DPP9: variants seen among roughly 807,000 people sequenced by gnomAD.
DPP9 encodes the protein dipeptidyl peptidase 9.
In DPP9, 50 loss-of-function variants were observed where a neutral mutation model predicts 110.7. The observed-to-expected ratio is 0.45, with a 90% CI of 0.36 to 0.57. The LOEUF is 0.57. Among genes scored for constraint, DPP9 ranks in the 20% least tolerant of loss-of-function variants. The probability of loss-of-function intolerance (pLI) is 0.00; values close to 1 mark genes in which losing one functional copy is unlikely to be tolerated. For synonymous variants in DPP9, 561 were observed against 514.4 expected, an observed-to-expected ratio of 1.09 and a Z score of -1.23; for missense variants, 1,022 against 1,217.9, an observed-to-expected ratio of 0.84 and a Z score of 2.39.
At chr19:4,707,228 C>T (rs529102350) in intron 4 of DPP9, among the ~76,000 whole-genome samples, 1 of 152,300 alleles carries the variant, frequency 6.6e-6, no homozygotes, top group East Asian at 1.9e-4. Context: ...ACGCATGTCT[C>T]TGGGCTTGGG....
rs370877782 is a variant in DPP9, at chr19:4,676,630, A to T, written c.2613T>A (p.Ile871=). The T allele has an allele frequency of 1.2e-5, 19 of 1,608,044 alleles. No homozygotes were observed. Among genetic ancestry groups the T allele is most frequent in the Non-Finnish European group, 1.6e-5 (19 of 1,177,264 alleles). ...LQIYPNERHS[I]RCPESGEHYE... is the part of the protein sequence containing the mutation. The stretch of plus-strand genomic sequence containing the variant: ...AGTGCTCGCCCGACTCGGGGCAGCG[A>T]ATACTGTGTCTCTCGTTGGGGTAGA... The change falls in exon 22 of 22, where the codon ATT becomes ATA. Residue 871 remains isoleucine (I), a synonymous_variant. Transcript: ENST00000262960. The surrounding 1 kb of genome is among the most constrained non-coding windows in gnomAD (Gnocchi z 4.0).
At position 4,682,591 on chromosome 19, in the gene DPP9, C is replaced by T. The variant is rs2090056888; in HGVS notation, c.2474+105G>A. On this transcript the variant is annotated intron_variant, in intron 20 of 21. Coordinates refer to ENST00000262960, the MANE Select transcript of DPP9 (RefSeq NM_139159.5). This position sits in a 1 kb window ranked among gnomAD's most constrained non-coding sequence, Gnocchi z 7.1. ...GAGGCTCCACATGGCCTGAGGCTCCCTGGGCAGGGCCAGCTGGGGCAGGAG... is the reference window on the plus strand; with the variant it reads ...GAGGCTCCACATGGCCTGAGGCTCCTTGGGCAGGGCCAGCTGGGGCAGGAG... The T allele has an allele frequency of 6.7e-7, 1 of 1,500,292 alleles. No homozygotes were observed. The allele number at this position is 1,500,292 out of a possible 1,614,324, so 92.9% of individuals were successfully genotyped here.
At position 4,718,792 on chromosome 19, in the gene DPP9, C is replaced by T. The variant is rs960005773; in HGVS notation, c.56+1059G>A. Among the ~76,000 whole-genome samples the T allele has an allele frequency of 4.6e-5, 7 of 152,228 alleles. No homozygotes were observed. Among genetic ancestry groups the T allele is most frequent in the East Asian group, 1.9e-4 (1 of 5,202 alleles). On this transcript the variant is annotated intron_variant, in intron 3 of 21. Transcript: ENST00000262960. The surrounding 1 kb of genome is among the most constrained non-coding windows in gnomAD (Gnocchi z 4.3). ...CAATCATAGCCCTTCACACCGTCCC[C>T]GTCTTCCCCGGTCCATTCTTCAATT... is the stretch of plus-strand genomic sequence containing the variant.
At chr19:4,679,599 C>A (rs2089503433) in intron 21 of DPP9, 1 of 540,972 alleles carries the variant, frequency 1.8e-6, no homozygotes, top group South Asian at 2.2e-5. Flanking sequence ...CCCCCGATCC[C>A]GTGCTTCCAG....
Position 4,695,555 on chromosome 19 carries a change from G to A in DPP9, c.1176C>T (p.Tyr392=), listed in dbSNP as rs557457810. 1.5e-5 allele frequency: 22 copies of A among 1,472,558 alleles called. No individual in the cohort carries two copies. Among genetic ancestry groups the A allele is most frequent in the Admixed American group, 1.3e-4 (5 of 38,100 alleles). 91.2% of individuals were successfully genotyped at this position (1,472,558 alleles called of 1,614,324 possible). The part of the protein sequence containing the change: ...ARAGWTRDGK[Y]AWAMFLDRPQ... The stretch of plus-strand genomic sequence containing the variant: ...GCCGGTCCAGGAACATGGCCCAGGC[G>A]CTAAGGGGGAAGATGCGGGGGAAGA... The change falls in exon 12 of 22, where the codon TAC becomes TAT. Residue 392 remains tyrosine (Y), a splice_region_variant and synonymous_variant. Transcript: ENST00000262960. The surrounding 1 kb of genome is among the most constrained non-coding windows in gnomAD (Gnocchi z 4.7).
At chr19:4,681,733 T>G (rs1338412291) in intron 20 of DPP9, among the ~76,000 whole-genome samples, 1 of 151,590 alleles carries the variant, frequency 6.6e-6, no homozygotes, top group African/African-American at 2.4e-5. Flanking sequence ...CCCAGCTTAT[T>G]TTTTGTATTT....
intron 4 of DPP9, among the ~76,000 whole-genome samples, chr19:4,706,901 G>T (rs983868282): frequency 6.6e-6 from 1 of 152,128 alleles, no homozygotes; most frequent in Admixed American, 6.6e-5. Flanking sequence ...CATCCTCCGG[G>T]GTGGGGCTGT....
intron 11 of DPP9, among the ~76,000 whole-genome samples, chr19:4,696,740 T>G (rs561311481): frequency 6.6e-6 from 1 of 150,852 alleles, no homozygotes; most frequent in South Asian, 2.1e-4. Flanking sequence ...AGGGCAAGAC[T>G]CCGTCTCAAA....
Position 4,695,506 on chromosome 19 carries a change from G to C in DPP9, c.1225C>G (p.Leu409Val). 1 of 1,546,044 alleles carries C rather than the reference G, an allele frequency of 6.5e-7. No homozygotes were observed. ...GGGATGAACAGGGCCGGGGGGAGGA[G>C]GACGAGCTGGAGCCACTGCTGGGGC... ...DRPQQWLQLV[L>V]LPPALFIPST... The change falls in exon 12 of 22, where the codon CTC becomes GTC. Residue 409 changes from leucine to valine, a missense_variant. Leu to Val is a conservative substitution (Grantham distance 32). Transcript: ENST00000262960. The surrounding 1 kb of genome is among the most constrained non-coding windows in gnomAD (Gnocchi z 4.7).
chr19:4,695,026 T>C lies in DPP9; in HGVS notation c.1354-203A>G, dbSNP rs1410308812. On this transcript the variant is annotated intron_variant, in intron 12 of 21. Coordinates refer to ENST00000262960, the MANE Select transcript of DPP9 (RefSeq NM_139159.5). This position sits in a 1 kb window ranked among gnomAD's most constrained non-coding sequence, Gnocchi z 4.7. ...ATTAGCCAGGCATGGTGGTGCAGGC[T>C]TGTGGTCCTAGCTACTCTGGAGGCT... 5 of 621,396 alleles carry C rather than the reference T, an allele frequency of 8.0e-6. No homozygotes were observed. The highest frequency in any genetic ancestry group is 5.9e-5 in the Admixed American group (2 of 33,992). The allele number at this position is 621,396 out of a possible 1,614,324, so 38.5% of individuals were successfully genotyped here. A position where few individuals can be genotyped will look rare whatever the true frequency, so the allele number is the denominator to read the frequency against.
In DPP9 at chr19:4,710,030, G is replaced by A. The variant is rs2092758099; in HGVS notation, c.313+4051C>T. ...TGCTGGCACTATGATGGTGACAACT[G>A]GCCTTTGAGGCAAGGGCTAGAGGTG... is the stretch of plus-strand genomic sequence containing the variant. On this transcript the variant is annotated intron_variant, in intron 4 of 21. Coordinates refer to ENST00000262960, the MANE Select transcript of DPP9 (RefSeq NM_139159.5). The surrounding 1 kb of genome is among the most constrained non-coding windows in gnomAD (Gnocchi z 5.6). 6.6e-6 allele frequency among the ~76,000 whole-genome samples: 1 copy of A among 152,188 alleles called. No individual in the cohort carries two copies. The highest frequency in any genetic ancestry group is 6.5e-5 in the Admixed American group (1 of 15,288).
At chr19:4,721,765 G>A (rs543958723) in intron 2 of DPP9, among the ~76,000 whole-genome samples, 9 of 152,312 alleles carry the variant, frequency 5.9e-5, no homozygotes, top group Non-Finnish European at 1.3e-4. Flanking sequence ...GTGACAGAGC[G>A]AGGTTCTGTC....
At position 4,719,852 on chromosome 19, in the gene DPP9, T is replaced by C; in HGVS notation, c.55A>G (p.Ser19Gly). Reference protein sequence around the residue: ...LDKENTGSWRSFSLNSEGAER... With the variant: ...LDKENTGSWRGFSLNSEGAER... ...CAGGGCCTCCGAGGCCAACCTCACC[T>C]TCTCCAACTTCCGGTGTTCTCCTTG... Residue 19 changes from serine to glycine, a missense_variant and splice_region_variant, in exon 3 of 22, where the codon AGC becomes GGC. Transcript: ENST00000262960. 6.4e-7 allele frequency: 1 copy of C among 1,551,786 alleles called. No individual in the cohort carries two copies. Among genetic ancestry groups the C allele is most frequent in the Non-Finnish European group, 8.7e-7 (1 of 1,147,016 alleles).
Position 4,684,767 on chromosome 19 carries a change from G to C in DPP9, c.2074C>G (p.Arg692Gly), listed in dbSNP as rs1309548680. Residue 692 changes from arginine (R) to glycine (G), a missense_variant, in exon 18 of 22, where the codon CGG (arginine) becomes GGG (glycine). Arg to Gly is a moderately radical substitution (Grantham distance 125, BLOSUM62 -2). Around this residue, in one of 3 missense-constraint regions of DPP9, gnomAD observed 209 missense variants for 280.4 expected, o/e 0.75. Coordinates refer to ENST00000262960, the MANE Select transcript of DPP9 (RefSeq NM_139159.5). This position sits in a 1 kb window ranked among gnomAD's most constrained non-coding sequence, Gnocchi z 4.8. ...NNSFKGIKYL[R>G]LNTLASLGYA... ...CCCAGGGAGGCCAGTGTGTTGAGCCGCAAGTACTTGATGCCTTTGAAGGAG... is the reference window on the plus strand; with the variant it reads ...CCCAGGGAGGCCAGTGTGTTGAGCCCCAAGTACTTGATGCCTTTGAAGGAG... 2.5e-6 allele frequency: 4 copies of C among 1,602,742 alleles called. No individual in the cohort carries two copies. The highest frequency in any genetic ancestry group is 3.4e-6 in the Non-Finnish European group (4 of 1,174,988).
chr19:4,719,531 G>C lies in DPP9; in HGVS notation c.56+320C>G, dbSNP rs190242382. 3 of 414,086 alleles carry C rather than the reference G, an allele frequency of 7.2e-6. No homozygotes were observed. In the Admixed American group the frequency reaches 1.1e-4, roughly 15 times the overall value. 25.7% of individuals were successfully genotyped at this position (414,086 alleles called of 1,614,324 possible). On this transcript the variant is annotated intron_variant, in intron 3 of 21. Transcript: ENST00000262960. ...CCCAGCAAACACTTGGTGACATCTGGAGACATCTGTGGTTGTCTCAACTGA... is the reference window on the plus strand; with the variant it reads ...CCCAGCAAACACTTGGTGACATCTGCAGACATCTGTGGTTGTCTCAACTGA...
intron 16 of DPP9, among the ~76,000 whole-genome samples, chr19:4,686,248 C>G (rs796105150): frequency 1.3e-5 from 2 of 152,112 alleles, no homozygotes; most frequent in African/African-American, 4.8e-5. Flanking sequence ...GGCACCACGC[C>G]CGGCTAATGT....
chr19:4,692,230 G>C (rs1183084199), intron 13 of DPP9, among the ~76,000 whole-genome samples: 1 of 152,110 alleles, frequency 6.6e-6, no homozygotes, highest in Non-Finnish European at 1.5e-5. Flanking sequence ...TTTTCACCAG[G>C]TAAAGAATGA....
At chr19:4,720,045 C>CA (rs936947879) in intron 2 of DPP9, 104 bp from the exon 3 acceptor site, 18 of 1,014,356 alleles carry the variant, frequency 1.8e-5, no homozygotes, top group African/African-American at 8.0e-5. Context: ...AGGCAGCCCC[C>CA]CAAGCCTCCG....
Position 4,704,297 on chromosome 19 carries a change from G to A in DPP9, c.434C>T (p.Pro145Leu). The change falls in exon 6 of 22, where the codon CCC becomes CTC. Residue 145 changes from proline (P) to leucine (L), a missense_variant. By Grantham distance (98) the Pro-to-Leu change is moderately conservative (BLOSUM62 -3). Around this residue, in one of 3 missense-constraint regions of DPP9, gnomAD observed 810 missense variants for 920.6 expected, o/e 0.88. Transcript: ENST00000262960. This position sits in a 1 kb window ranked among gnomAD's most constrained non-coding sequence, Gnocchi z 6.0. ...CTCCCGAGAGTAGACCCCATGGTGG[G>A]GCGTGGCCTGGAAACATACAGGGGA... ...KQMLDHFQATPHHGVYSREEE... is the reference protein window; with the variant it reads ...KQMLDHFQATLHHGVYSREEE... The A allele has an allele frequency of 6.2e-7, 1 of 1,612,322 alleles. No individual in the cohort carries two copies. Among genetic ancestry groups the A allele is most frequent in the East Asian group, 2.2e-5 (1 of 44,884 alleles).
Sources: gnomAD v4.1 joint callset for allele counts (sites outside exome capture counted in the v4.1 genomes callset) on GRCh38, gnomAD v4.1.1 for gene constraint, gnomAD v4.1.1 regional missense constraint, Gnocchi (gnomAD v3.1) non-coding constraint, MANE v1.5 for transcripts, NCBI Gene and HGNC (gene_info 2026-07-23, HGNC 2026-07-21) for gene names.